BLTP3B: variants seen among roughly 807,000 people sequenced by gnomAD.
BLTP3B encodes UHRF1 (ICBP90) binding protein 1-like.
chr12:100,110,221 A>G, the BLTP3B span, among the ~76,000 whole-genome samples: 1 of 152,226 alleles, frequency 6.6e-6, no homozygotes, highest in Non-Finnish European at 1.5e-5. Context: ...AAGAATACCA[A>G]TCAATAAACT....
the BLTP3B span, among the ~76,000 whole-genome samples, chr12:100,050,844 T>C: frequency 2.6e-5 from 4 of 151,342 alleles, no homozygotes; most frequent in African/African-American, 9.7e-5. Flanking sequence ...CAAAAAGCAA[T>C]ACAGAAAAAA....
the BLTP3B span, among the ~76,000 whole-genome samples, chr12:100,067,878 T>C: frequency 6.6e-6 from 1 of 152,162 alleles, no homozygotes; most frequent in Non-Finnish European, 1.5e-5. Flanking sequence ...CACATCCCAA[T>C]GCTCATTGAT....
chr12:100,101,185 A>T, the BLTP3B span, among the ~76,000 whole-genome samples: 1 of 152,236 alleles, frequency 6.6e-6, no homozygotes, highest in Admixed American at 6.5e-5. Flanking sequence ...AGAAGTTAAC[A>T]TGAAAGCTCT....
the BLTP3B span, among the ~76,000 whole-genome samples, chr12:100,039,222 T>C: frequency 1.3e-5 from 2 of 149,978 alleles, no homozygotes; most frequent in African/African-American, 4.9e-5. Context: ...GTTTCAGAAA[T>C]GATAGCATAC....
chr12:100,104,776 G>C, the BLTP3B span, among the ~76,000 whole-genome samples: 1 of 148,758 alleles, frequency 6.7e-6, no homozygotes, highest in East Asian at 2.0e-4. Context: ...TAAGGTTTAG[G>C]TTACAAAATC....
the BLTP3B span, among the ~76,000 whole-genome samples, chr12:100,096,774 T>C: frequency 8.2e-4 from 125 of 152,016 alleles, 1 homozygote; most frequent in Non-Finnish European, 1.3e-4. Context: ...TGAGCTAGGA[T>C]TGTCCCACTG....
the BLTP3B span, among the ~76,000 whole-genome samples, chr12:100,073,363 ATTTT>A: frequency 7.2e-6 from 1 of 139,816 alleles, no homozygotes; most frequent in Non-Finnish European, 1.6e-5. Context: ...ACAGACACAG[ATTTT>A]TTTTTTTTTT....
the BLTP3B span, among the ~76,000 whole-genome samples, chr12:100,123,737 A>G: frequency 2.7e-5 from 4 of 150,898 alleles, no homozygotes; most frequent in African/African-American, 9.8e-5. Flanking sequence ...TATGCTCCCA[A>G]TGGTTTAAAC....
chr12:100,100,564 T>C, the BLTP3B span, among the ~76,000 whole-genome samples: 1 of 151,780 alleles, frequency 6.6e-6, no homozygotes, highest in Non-Finnish European at 1.5e-5. Context: ...TACAAAAAAC[T>C]AGCCAGGTAT....
the BLTP3B span, among the ~76,000 whole-genome samples, chr12:100,076,540 T>C: frequency 5.7e-4 from 86 of 152,146 alleles, no homozygotes; most frequent in Non-Finnish European, 1.0e-3. Context: ...ACTATAGGCA[T>C]GCACCATCAC....
chr12:100,141,090 T>C, the BLTP3B span, among the ~76,000 whole-genome samples: 3 of 151,968 alleles, frequency 2.0e-5, no homozygotes, highest in African/African-American at 7.3e-5. Flanking sequence ...CGGGAGGACA[T>C]AAATTAAAAA....
chr12:100,082,561 T>C, the BLTP3B span, among the ~76,000 whole-genome samples: 4 of 152,352 alleles, frequency 2.6e-5, no homozygotes, highest in African/African-American at 9.6e-5. Context: ...CTTGAGTTAA[T>C]TTTTGTGTGT....
chr12:100,138,251 G>T, the BLTP3B span, among the ~76,000 whole-genome samples: 1 of 152,172 alleles, frequency 6.6e-6, no homozygotes, highest in African/African-American at 2.4e-5. Flanking sequence ...GCTGGTTCCT[G>T]TTCTTTCCTT....
the BLTP3B span, among the ~76,000 whole-genome samples, chr12:100,111,467 T>C: frequency 1.3e-5 from 2 of 151,824 alleles, no homozygotes; most frequent in African/African-American, 4.8e-5. Context: ...TTTAATTTAC[T>C]TTGAGACAGG....
chr12:100,075,815 T>C, the BLTP3B span, among the ~76,000 whole-genome samples: 1 of 151,660 alleles, frequency 6.6e-6, no homozygotes, highest in Admixed American at 6.6e-5. Flanking sequence ...ATACATTAGT[T>C]AGAATGGCTA....
the BLTP3B span, chr12:100,047,476 G>A: frequency 7.3e-7 from 1 of 1,366,950 alleles, no homozygotes; most frequent in Non-Finnish European, 1.0e-6. Flanking sequence ...TCAAGCCTGG[G>A]CAACAAGAGC....
the BLTP3B span, among the ~76,000 whole-genome samples, chr12:100,078,078 C>T: frequency 6.6e-6 from 1 of 151,916 alleles, no homozygotes; most frequent in Admixed American, 6.6e-5. Flanking sequence ...GGATATTGTC[C>T]CCTCTAAATC....
At chr12:100,106,189 G>C in the BLTP3B span, among the ~76,000 whole-genome samples, 2 of 151,784 alleles carry the variant, frequency 1.3e-5, no homozygotes, top group African/African-American at 4.8e-5. Flanking sequence ...ATTCGATCCA[G>C]CAATCCCACT....
chr12:100,127,240 A>G, the BLTP3B span, among the ~76,000 whole-genome samples: 1 of 152,220 alleles, frequency 6.6e-6, no homozygotes, highest in Non-Finnish European at 1.5e-5. Context: ...TTAATATACT[A>G]AAGTGAATCT....
Sources: gnomAD v4.1 joint callset for allele counts (sites outside exome capture counted in the v4.1 genomes callset) on GRCh38, gnomAD v4.1.1 for gene constraint, MANE v1.5 for transcripts, NCBI Gene and HGNC (gene_info 2026-07-23, HGNC 2026-07-21) for gene names.